ATP1A1: variants seen among roughly 807,000 people sequenced by gnomAD.
ATP1A1 encodes sodium/potassium-transporting ATPase subunit alpha-1.
ATP1A1 carries 14 observed loss-of-function variants against 114.8 expected under a neutral mutation model. That is an observed-to-expected ratio of 0.12 (90% CI 0.08 to 0.19). The LOEUF (loss-of-function observed/expected upper bound fraction) is 0.19, where lower values mean the gene tolerates loss of function less well. Ranked by LOEUF, ATP1A1 falls within the 10% of genes least tolerant of loss-of-function variation. ATP1A1 has a pLI of 1.00. For missense variants in ATP1A1, 524 were observed against 1,290.7 expected (o/e 0.41, Z 9.10); for synonymous variants, 471 against 466.3 (o/e 1.01, Z -0.13).
intron 10 of ATP1A1, 46 bp from the exon 11 acceptor site, chr1:116,392,808 G>A (rs770609940): frequency 6.3e-7 from 1 of 1,584,108 alleles, no homozygotes; most frequent in African/African-American, 1.4e-5. Context: ...TGATGCCTCA[G>A]TGAAATTTTT....
In ATP1A1 at chr1:116,404,545, TG is replaced by T. The variant is rs1438623260; in HGVS notation, c.*103del. 1.4e-5 allele frequency: 21 copies of T among 1,478,306 alleles called. No homozygotes were observed. Among genetic ancestry groups the T allele is most frequent in the African/African-American group, 1.0e-4 (7 of 68,158 alleles). 91.6% of individuals were successfully genotyped at this position (1,478,306 alleles called of 1,614,324 possible). A position where few individuals can be genotyped will look rare whatever the true frequency, so the allele number is the denominator to read the frequency against. ...AGTCTTGGAGTTTGGAACTCTACCC[TG>T]GTAGGAAAGCACCGCAGCATGTGGG... On this transcript the variant is annotated 3_prime_UTR_variant, in exon 23 of 23. Transcript: ENST00000295598. The surrounding 1 kb of genome is among the most constrained non-coding windows in gnomAD (Gnocchi z 4.8).
In ATP1A1 at chr1:116,387,526, A is replaced by G; in HGVS notation, c.387+35A>G. 1 of 1,605,192 alleles carries G rather than the reference A, an allele frequency of 6.2e-7. No individual in the cohort carries two copies. Among genetic ancestry groups the G allele is most frequent in the Non-Finnish European group, 8.5e-7 (1 of 1,172,382 alleles). On this transcript the variant is annotated intron_variant, in intron 4 of 22. Coordinates refer to ENST00000295598, the MANE Select transcript of ATP1A1 (RefSeq NM_000701.8). The surrounding 1 kb of genome is among the most constrained non-coding windows in gnomAD (Gnocchi z 6.7). ...GTAATTCAGCATATGGATTTGTAGT[A>G]CACATCAGATATCTTCTCCGTCTTT...
intron 21 of ATP1A1, among the ~76,000 whole-genome samples, chr1:116,403,080 C>T (rs982158752): frequency 1.3e-5 from 2 of 152,238 alleles, no homozygotes; most frequent in African/African-American, 4.8e-5. Flanking sequence ...GGGTCCTTCC[C>T]TGGTTTTTTT....
intron 8 of ATP1A1, 165 bp from the exon 9 acceptor site, chr1:116,390,048 G>T: frequency 1.3e-6 from 1 of 751,980 alleles, no homozygotes. Flanking sequence ...CTGGAAGGAA[G>T]GGGAAGCCTC....
At position 116,393,487 on chromosome 1, in the gene ATP1A1, C is replaced by T; in HGVS notation, c.1468-44C>T. 3.8e-6 allele frequency: 6 copies of T among 1,566,590 alleles called. No individual in the cohort carries two copies. The highest frequency in any genetic ancestry group is 5.2e-6 in the Non-Finnish European group (6 of 1,150,778). On this transcript the variant is annotated intron_variant, in intron 11 of 22. Transcript: ENST00000295598. This position sits in a 1 kb window ranked among gnomAD's most constrained non-coding sequence, Gnocchi z 5.0. ...CTTTGTTTTCCACCATGGACTGCCACACATCCAACCATCCAATGTTTATGT... is the reference window on the plus strand; with the variant it reads ...CTTTGTTTTCCACCATGGACTGCCATACATCCAACCATCCAATGTTTATGT...
chr1:116,395,463 G>C lies in ATP1A1; in HGVS notation c.1836+178G>C, dbSNP rs74111870. Among the ~76,000 whole-genome samples, 7 of 151,980 alleles carry C rather than the reference G, an allele frequency of 4.6e-5. No homozygotes were observed. Reference sequence around the variant, plus strand: ...GACCAGATAGTATTAAAATATGATGGTGTAAACACACGAGGAATTAAAAAT... The same window carrying C: ...GACCAGATAGTATTAAAATATGATGCTGTAAACACACGAGGAATTAAAAAT... On this transcript the variant is annotated intron_variant, in intron 13 of 22. Transcript: ENST00000295598. This position sits in a 1 kb window ranked among gnomAD's most constrained non-coding sequence, Gnocchi z 6.4.
chr1:116,389,824 G>A lies in ATP1A1; in HGVS notation c.1023+117G>A. The A allele has an allele frequency of 1.4e-6, 2 of 1,414,710 alleles. No homozygotes were observed. Among genetic ancestry groups the A allele is most frequent in the Non-Finnish European group, 1.9e-6 (2 of 1,056,760 alleles). The allele number at this position is 1,414,710 out of a possible 1,614,324, so 87.6% of individuals were successfully genotyped here. A position where few individuals can be genotyped will look rare whatever the true frequency, so the allele number is the denominator to read the frequency against. On this transcript the variant is annotated intron_variant, in intron 8 of 22. Coordinates refer to ENST00000295598, the MANE Select transcript of ATP1A1 (RefSeq NM_000701.8). The surrounding 1 kb of genome is among the most constrained non-coding windows in gnomAD (Gnocchi z 6.9). ...TGTTTTATTCTGGATGTTTGATATAGTTCTTCTTGAGAGCCACATCACGTG... is the reference window on the plus strand; with the variant it reads ...TGTTTTATTCTGGATGTTTGATATAATTCTTCTTGAGAGCCACATCACGTG...
intron 10 of ATP1A1, among the ~76,000 whole-genome samples, 186 bp downstream of exon 10, chr1:116,391,077 T>C (rs1409205530): frequency 6.6e-6 from 1 of 152,220 alleles, no homozygotes; most frequent in Admixed American, 6.5e-5. Flanking sequence ...TGATGTATTA[T>C]AGGACCCCCT....
chr1:116,393,344 G>A lies in ATP1A1; in HGVS notation c.1468-187G>A, dbSNP rs926484721. 7.2e-6 allele frequency among the ~76,000 whole-genome samples: 1 copy of A among 139,094 alleles called. No individual in the cohort carries two copies. The highest frequency in any genetic ancestry group is 1.5e-5 in the Non-Finnish European group (1 of 67,934). The allele number at this position is 139,094 out of a possible 152,430, so 91.3% of individuals were successfully genotyped here. A position where few individuals can be genotyped will look rare whatever the true frequency, so the allele number is the denominator to read the frequency against. ...GTCAGGAATTTATGAATATATCATA[G>A]TGCTCATTTTTTTTTTTTTCTGTAG... On this transcript the variant is annotated intron_variant, in intron 11 of 22. Transcript: ENST00000295598. The surrounding 1 kb of genome is among the most constrained non-coding windows in gnomAD (Gnocchi z 5.0).
Position 116,387,016 on chromosome 1 carries a change from G to A in ATP1A1, c.184-272G>A, listed in dbSNP as rs1652144642. 6.6e-6 allele frequency among the ~76,000 whole-genome samples: 1 copy of A among 152,120 alleles called. No individual in the cohort carries two copies. Among genetic ancestry groups the A allele is most frequent in the African/African-American group, 2.4e-5 (1 of 41,408 alleles). On this transcript the variant is annotated intron_variant, in intron 3 of 22. Transcript: ENST00000295598. This position sits in a 1 kb window ranked among gnomAD's most constrained non-coding sequence, Gnocchi z 6.7. ...TGATCTAAAACTTAGAAGAAACCAG[G>A]CTGAATTCAAATTTATTGATGGATC... is the stretch of plus-strand genomic sequence containing the variant.
intron 21 of ATP1A1, 47 bp from the exon 22 acceptor site, chr1:116,403,837 G>A: frequency 1.3e-6 from 2 of 1,486,076 alleles, no homozygotes; most frequent in Non-Finnish European, 1.9e-6. Context: ...TTCTTTATTT[G>A]AACTGTGTTC....
rs375987138 is a variant in ATP1A1 at position 116,389,751 on chromosome 1, C to T, written c.1023+44C>T. 5.3e-5 allele frequency: 86 copies of T among 1,609,642 alleles called. 1 individual carries two copies. Among genetic ancestry groups the T allele is most frequent in the Middle Eastern group, 1.6e-4 (1 of 6,062 alleles). ...TCACCCTGACTCAGATCAGCTTGCA[C>T]GAATGTTACACTCTTCCGCTATCCT... On this transcript the variant is annotated intron_variant, in intron 8 of 22. Transcript: ENST00000295598. This position sits in a 1 kb window ranked among gnomAD's most constrained non-coding sequence, Gnocchi z 6.9.
rs1438141485 is a variant in ATP1A1 at position 116,404,452 on chromosome 1, T to C, written c.*8T>C. On this transcript the variant is annotated 3_prime_UTR_variant, in exon 23 of 23. Coordinates refer to ENST00000295598, the MANE Select transcript of ATP1A1 (RefSeq NM_000701.8). The surrounding 1 kb of genome is among the most constrained non-coding windows in gnomAD (Gnocchi z 4.8). The stretch of plus-strand genomic sequence containing the variant: ...AAGGAAACCTACTATTAGCCCCCCG[T>C]CCTGCACGCCGTGGAGCATCAGGCC... 1 of 1,609,552 alleles carries C rather than the reference T, an allele frequency of 6.2e-7. No homozygotes were observed. The highest frequency in any genetic ancestry group is 8.5e-7 in the Non-Finnish European group (1 of 1,178,762).
At chr1:116,375,157 G>A (rs1245032846) in intron 1 of ATP1A1, among the ~76,000 whole-genome samples, 2 of 152,204 alleles carry the variant, frequency 1.3e-5, no homozygotes, top group Non-Finnish European at 2.9e-5. Flanking sequence ...TACTTCCTGA[G>A]CTAATTTTGG....
At position 116,397,859 on chromosome 1, in the gene ATP1A1, C is replaced by CTTT. The variant is rs77990511; in HGVS notation, c.1974-16_1974-14dup. 5.0e-5 allele frequency: 74 copies of CTTT among 1,466,738 alleles called. No homozygotes were observed. The highest frequency in any genetic ancestry group is 1.5e-4 in the South Asian group (12 of 79,146). The allele number at this position is 1,466,738 out of a possible 1,614,324, so 90.9% of individuals were successfully genotyped here. On this transcript the variant is annotated intron_variant, in intron 14 of 22. Transcript: ENST00000295598. This position sits in a 1 kb window ranked among gnomAD's most constrained non-coding sequence, Gnocchi z 4.2. ...CACATGCTGGTGATGTGATGCGTGACTTTTTTTTTTTTTTTGTCCTAATTC... is the reference window on the plus strand; with the variant it reads ...CACATGCTGGTGATGTGATGCGTGACTTTTTTTTTTTTTTTTTTGTCCTAATTC...
Position 116,387,560 on chromosome 1 carries a change from C to T in ATP1A1, c.387+69C>T, listed in dbSNP as rs537185795. On this transcript the variant is annotated intron_variant, in intron 4 of 22. Coordinates refer to ENST00000295598, the MANE Select transcript of ATP1A1 (RefSeq NM_000701.8). The surrounding 1 kb of genome is among the most constrained non-coding windows in gnomAD (Gnocchi z 6.7). ...ATATCTTCTCCGTCTTTGTCTCCCA[C>T]TTCTTCTCAATTACCACTCATTACT... The T allele has an allele frequency of 6.6e-7, 1 of 1,526,284 alleles. No homozygotes were observed. Among genetic ancestry groups the T allele is most frequent in the African/African-American group, 1.4e-5 (1 of 72,984 alleles). The allele number at this position is 1,526,284 out of a possible 1,614,324, so 94.5% of individuals were successfully genotyped here.
Position 116,387,120 on chromosome 1 carries a change from C to T in ATP1A1, c.184-168C>T, listed in dbSNP as rs898939037. ...CTGAACCCTGTGGGGACTGGCTCAT[C>T]AGCAGAATTATTCATGGAGGAATTT... On this transcript the variant is annotated intron_variant, in intron 3 of 22. Transcript: ENST00000295598. This position sits in a 1 kb window ranked among gnomAD's most constrained non-coding sequence, Gnocchi z 6.7. 3.9e-5 allele frequency among the ~76,000 whole-genome samples: 6 copies of T among 152,182 alleles called. No homozygotes were observed. Among genetic ancestry groups the T allele is most frequent in the African/African-American group, 1.4e-4 (6 of 41,426 alleles).
chr1:116,400,651 G>A (rs781712909), intron 18 of ATP1A1, among the ~76,000 whole-genome samples: 41 of 152,046 alleles, frequency 2.7e-4, no homozygotes, highest in Non-Finnish European at 5.6e-4. Context: ...AAAAGCAGAG[G>A]GCCCTGAGAT....
chr1:116,382,885 G>A (rs1651835876), intron 1 of ATP1A1, among the ~76,000 whole-genome samples: 1 of 152,182 alleles, frequency 6.6e-6, no homozygotes, highest in Admixed American at 6.5e-5. Context: ...AGCACCATAT[G>A]TCATGCATTT....
Sources: allele counts gnomAD v4.1 joint callset (sites outside exome capture counted in the v4.1 genomes callset), GRCh38; gene constraint gnomAD v4.1.1; non-coding constraint Gnocchi (gnomAD v3.1); transcripts MANE v1.5; gene names NCBI Gene and HGNC (gene_info 2026-07-23, HGNC 2026-07-21).